The following RSF1 variants were observed in gnomAD, a reference collection of about 807,000 sequenced individuals.
RSF1 encodes HBV pX-associated protein 8.
RSF1 carries 13 observed loss-of-function variants against 145.2 expected under a neutral mutation model. The ratio of observed to expected loss-of-function variants is 0.09; its 90% CI spans 0.06 to 0.14. The LOEUF is 0.14. RSF1 is among the 10% of genes least tolerant of loss of function. The pLI, the probability that RSF1 is intolerant of heterozygous loss-of-function variation, is 1.00. For synonymous variants in RSF1, 577 were observed against 592.6 expected (o/e 0.97, Z 0.38); for missense variants, 1,517 against 1,718.2 (o/e 0.88, Z 2.07).
chr11:77,844,450 C>G, the RSF1 span, among the ~76,000 whole-genome samples: 1 of 152,094 alleles, frequency 6.6e-6, no homozygotes, highest in East Asian at 1.9e-4. Context: ...GTAGTCTACA[C>G]CACCTGGGTG....
the RSF1 span, among the ~76,000 whole-genome samples, chr11:77,852,953 C>T: frequency 6.6e-6 from 1 of 152,044 alleles, no homozygotes; most frequent in African/African-American, 2.4e-5. Context: ...GGGATGGGTA[C>T]TCGATTGCTT....
chr11:77,737,123 A>G (rs1310132998), intron 4 of RSF1, among the ~76,000 whole-genome samples: 3 of 152,196 alleles, frequency 2.0e-5, no homozygotes, highest in African/African-American at 7.2e-5. Flanking sequence ...ACCTGGCACC[A>G]TTTTCTAAAG....
At chr11:77,770,826 C>T (rs1948274832) in intron 1 of RSF1, among the ~76,000 whole-genome samples, 1 of 152,228 alleles carries the variant, frequency 6.6e-6, no homozygotes, top group Non-Finnish European at 1.5e-5. Flanking sequence ...AAAACTGCAG[C>T]ACCCTGTGAA....
chr11:77,667,396 C>T lies in RSF1; in HGVS notation c.3847G>A (p.Glu1283Lys), dbSNP rs1590818442. Residue 1283 changes from glutamate (E) to lysine (K), a missense_variant, in exon 16 of 16, where the codon GAA becomes AAA. Transcript: ENST00000308488. ...TCTTCCTCCTCCTCCTCATCTGCTT[C>T]TGAATACTCGTCTGTGCTTCGGCCC... Reference protein sequence around the residue: ...KRGRSTDEYSEADEEEEEEEG... With the variant: ...KRGRSTDEYSKADEEEEEEEG... The T allele has an allele frequency of 3.1e-6, 5 of 1,614,092 alleles. No homozygotes were observed. In the East Asian group the frequency reaches 1.1e-4, roughly 36 times the overall value.
At chr11:77,802,188 T>G (rs1177773923) in intron 1 of RSF1, among the ~76,000 whole-genome samples, 1 of 152,076 alleles carries the variant, frequency 6.6e-6, no homozygotes, top group Non-Finnish European at 1.5e-5. Flanking sequence ...AGAAGTAAAG[T>G]GTTTCCCTGA....
Position 77,701,879 on chromosome 11 carries a change from C to A in RSF1, c.1350G>T (p.Arg450Ser). The A allele has an allele frequency of 6.2e-7, 1 of 1,613,994 alleles. No individual in the cohort carries two copies. Among genetic ancestry groups the A allele is most frequent in the South Asian group, 1.1e-5 (1 of 91,056 alleles). Reference protein sequence around the residue: ...QLVNGEVSDERVAPNFKTEPI... With the variant: ...QLVNGEVSDESVAPNFKTEPI... The stretch of plus-strand genomic sequence containing the variant: ...GTTCTGTCTTAAAATTTGGAGCTAC[C>A]CTTTCATCACTAACTTCTCCATTTA... The change falls in exon 6 of 16, where the codon AGG becomes AGT. Residue 450 changes from arginine to serine, a missense_variant. By Grantham distance (110) the Arg-to-Ser change is moderately radical. Transcript: ENST00000308488.
the RSF1 span, among the ~76,000 whole-genome samples, chr11:77,849,260 C>T: frequency 2.0e-5 from 3 of 151,908 alleles, no homozygotes; most frequent in South Asian, 2.1e-4. Flanking sequence ...CTTGCTGTGT[C>T]GCCCAGGCTG....
intron 2 of RSF1, among the ~76,000 whole-genome samples, chr11:77,754,408 C>A (rs76944495): frequency 0.02 from 3,093 of 151,902 alleles, 95 homozygotes; most frequent in African/African-American, 0.07. Flanking sequence ...TTGAGACCAG[C>A]CTGGGTAATG....
At chr11:77,785,992 G>A (rs114728279) in intron 1 of RSF1, among the ~76,000 whole-genome samples, 810 of 19,952 alleles carry the variant, frequency 0.041, 13 homozygotes, top group African/African-American at 0.14. Flanking sequence ...CATGAACTAT[G>A]AACTCTAAAA....
At position 77,813,858 on chromosome 11, in the gene RSF1, G is replaced by C. The variant is rs552112713; in HGVS notation, c.187+6670C>G. 2.8e-4 allele frequency among the ~76,000 whole-genome samples: 27 copies of C among 94,898 alleles called. 1 individual carries two copies. The highest frequency in any genetic ancestry group is 1.6e-3 in the Admixed American group (16 of 9,854). The allele number at this position is 94,898 out of a possible 152,430, so 62.3% of individuals were successfully genotyped here. A position where few individuals can be genotyped will look rare whatever the true frequency, so the allele number is the denominator to read the frequency against. Reference sequence around the variant, plus strand: ...ACACACACACACACACACACACACAGAGATAATGGAGAATTAATACAATTT... The same window carrying C: ...ACACACACACACACACACACACACACAGATAATGGAGAATTAATACAATTT... On this transcript the variant is annotated intron_variant, in intron 1 of 15. Transcript: ENST00000308488.
At chr11:77,721,816 CTGAA>C (rs35570270) in intron 5 of RSF1, among the ~76,000 whole-genome samples, 3 of 151,948 alleles carry the variant, frequency 2.0e-5, no homozygotes, top group Non-Finnish European at 4.4e-5. Flanking sequence ...TAAGTATTCA[CTGAA>C]TGAATGAATG....
chr11:77,868,264 C>T, the RSF1 span, among the ~76,000 whole-genome samples: 2 of 151,608 alleles, frequency 1.3e-5, no homozygotes, highest in Non-Finnish European at 2.9e-5. Flanking sequence ...ACCGTGTTAG[C>T]CAGGATGTTC....
intron 8 of RSF1, among the ~76,000 whole-genome samples, chr11:77,691,945 C>T (rs1166171767): frequency 6.6e-6 from 1 of 152,200 alleles, no homozygotes; most frequent in African/African-American, 2.4e-5. Context: ...GGCTGGCGTG[C>T]AGTGGCACAA....
chr11:77,870,063 A>ATATTTTTATATTTTTATAT, the RSF1 span: 2 of 280,996 alleles, frequency 7.1e-6, no homozygotes. Flanking sequence ...AAGGATCACT[A>ATATTTTTATATTTTTATAT]TTTGGTCCTT....
chr11:77,868,988 G>T, the RSF1 span: 1 of 307,764 alleles, frequency 3.2e-6, no homozygotes, highest in Admixed American at 3.7e-5. Flanking sequence ...ACAGCACGTT[G>T]GGTAATACCG....
rs754586960 is a variant in RSF1 at position 77,678,069 on chromosome 11, G to A, written c.3133+17C>T. ...TTGGCAGAGTTCTATGAAGAAGAGAGAACGACAAACACATACCTCCTCCAT... is the reference window on the plus strand; with the variant it reads ...TTGGCAGAGTTCTATGAAGAAGAGAAAACGACAAACACATACCTCCTCCAT... On this transcript the variant is annotated intron_variant, in intron 12 of 15. Transcript: ENST00000308488. 27 of 1,601,176 alleles carry A rather than the reference G, an allele frequency of 1.7e-5. No individual in the cohort carries two copies. In the African/African-American group the frequency reaches 2.1e-4, roughly 13 times the overall value.
At position 77,665,761 on chromosome 11, in the gene RSF1, C is replaced by A. The variant is rs1045590; in HGVS notation, c.*1156G>T. ...CAGGCAGATAGGAAATTCCAACACACACACACACGCACACGCACACACACA... is the reference window on the plus strand; with the variant it reads ...CAGGCAGATAGGAAATTCCAACACAAACACACACGCACACGCACACACACA... On this transcript the variant is annotated 3_prime_UTR_variant, in exon 16 of 16. Transcript: ENST00000308488. 0.24 allele frequency: 34,613 copies of A among 146,436 alleles called. 4,143 individuals carry two copies. Among genetic ancestry groups the A allele is most frequent in the East Asian group, 0.41 (2,061 of 5,012 alleles). 9.1% of individuals were successfully genotyped at this position (146,436 alleles called of 1,614,324 possible). A position where few individuals can be genotyped will look rare whatever the true frequency, so the allele number is the denominator to read the frequency against.
chr11:77,671,956 T>C lies in RSF1; in HGVS notation c.3751+86A>G, dbSNP rs931980504. On this transcript the variant is annotated intron_variant, in intron 15 of 15. Coordinates refer to ENST00000308488, the MANE Select transcript of RSF1 (RefSeq NM_016578.4). ...GCCTGGTTATATGAGTTTCAAAGAATGGTACAGAATCACAATCCTGAGTTC... is the reference window on the plus strand; with the variant it reads ...GCCTGGTTATATGAGTTTCAAAGAACGGTACAGAATCACAATCCTGAGTTC... 1.7e-5 allele frequency: 21 copies of C among 1,232,698 alleles called. No individual in the cohort carries two copies. The African/African-American group carries it at 3.2e-4, about 19-fold the overall frequency. The allele number at this position is 1,232,698 out of a possible 1,614,324, so 76.4% of individuals were successfully genotyped here. A position where few individuals can be genotyped will look rare whatever the true frequency, so the allele number is the denominator to read the frequency against.
intron 3 of RSF1, among the ~76,000 whole-genome samples, chr11:77,743,462 A>G (rs534294097): frequency 2.1e-4 from 32 of 152,254 alleles, no homozygotes; most frequent in Admixed American, 1.8e-3. Flanking sequence ...ACTCCTAAAT[A>G]TTTTATTTTT....
Sources: gnomAD v4.1 joint callset for allele counts (sites outside exome capture counted in the v4.1 genomes callset) on GRCh38, gnomAD v4.1.1 for gene constraint, MANE v1.5 for transcripts, NCBI Gene and HGNC (gene_info 2026-07-23, HGNC 2026-07-21) for gene names.